Variants in DSE observed in about 807,000 individuals in gnomAD.
The protein encoded by DSE is dermatan-sulfate epimerase.
In DSE, 36 loss-of-function variants were observed where a neutral mutation model predicts 84.4. The ratio of observed to expected loss-of-function variants is 0.43; its 90% confidence interval spans 0.33 to 0.56. The LOEUF (loss-of-function observed/expected upper bound fraction) is 0.56, where lower values mean the gene tolerates loss of function less well. DSE is among the 20% of genes least tolerant of loss of function. The pLI is 0.06. For missense variants in DSE, 862 were observed against 1,169.6 expected (o/e 0.74, Z 3.84); for synonymous variants, 410 against 430.1 (o/e 0.95, Z 0.58).
intron 2 of DSE, among the ~76,000 whole-genome samples, chr6:116,425,772 G>A (rs1396329547): frequency 2.6e-5 from 4 of 151,210 alleles, no homozygotes; most frequent in African/African-American, 4.9e-5. Context: ...ACAGGCGCCC[G>A]CCAACACGCC....
chr6:116,295,329 G>A (rs1487146536), intron 2 of DSE, among the ~76,000 whole-genome samples: 2 of 152,166 alleles, frequency 1.3e-5, no homozygotes, highest in Non-Finnish European at 2.9e-5. Context: ...GCTTATATTT[G>A]AAGGACTTTG....
Position 116,399,249 on chromosome 6 carries a change from C to T in DSE, c.-2C>T, listed in dbSNP as rs763721304. ...TTGGAGATTTGGAGATCTGATGCCA[C>T]GATGAGGACTCACACACGGGGGGCT... On this transcript the variant is annotated 5_prime_UTR_variant, in exon 2 of 6. It adds an upstream start codon to the 5' untranslated region. Coordinates refer to ENST00000644252, the MANE Select transcript of DSE (RefSeq NM_013352.4). 6.2e-6 allele frequency: 10 copies of T among 1,613,550 alleles called. No homozygotes were observed. The highest frequency in any genetic ancestry group is 1.6e-4 in the Middle Eastern group (1 of 6,084).
rs1219823566 is a variant in DSE, at chr6:116,426,726, A to C, written c.569A>C (p.Glu190Ala). 1 of 1,614,096 alleles carries C rather than the reference A, an allele frequency of 6.2e-7. No homozygotes were observed. Among genetic ancestry groups the C allele is most frequent in the Non-Finnish European group, 8.5e-7 (1 of 1,180,044 alleles). Reference protein sequence around the residue: ...VIANASGYMYETSYRRGWGFQ... With the variant: ...VIANASGYMYATSYRRGWGFQ... ...GCCAATGCCTCAGGGTATATGTATG[A>C]AACTTCATACAGGAGAGGATGGGGA... The change falls in exon 3 of 6, where the codon GAA (glutamate) becomes GCA (alanine). Residue 190 changes from glutamate to alanine, a missense_variant. Around this residue, in one of 4 missense-constraint regions of DSE, gnomAD observed 309 missense variants for 516.9 expected, o/e 0.60. Coordinates refer to ENST00000644252, the MANE Select transcript of DSE (RefSeq NM_013352.4).
intron 2 of DSE, among the ~76,000 whole-genome samples, chr6:116,331,184 ACTTT>A (rs1006920658): frequency 5.3e-5 from 8 of 152,106 alleles, no homozygotes; most frequent in African/African-American, 1.9e-4. Flanking sequence ...AATACTGAAA[ACTTT>A]CTTTCTGTGA....
At chr6:116,300,845 G>A (rs111995772) in intron 2 of DSE, among the ~76,000 whole-genome samples, 33 of 152,212 alleles carry the variant, frequency 2.2e-4, no homozygotes, top group African/African-American at 6.7e-4. Flanking sequence ...TAAAGGTCTC[G>A]GAGTGTGGAA....
At position 116,436,364 on chromosome 6, in the gene DSE, A is replaced by G. The variant is rs1325462778; in HGVS notation, c.1896A>G (p.Ser632=). Residue 632 remains serine, a synonymous_variant, in exon 6 of 6, where the codon TCA becomes TCG. Transcript: ENST00000644252. The part of the protein sequence containing the change: ...TGYSEKATFA[S]VTYPRGYPYN... ...ACAGCGAGAAAGCAACCTTTGCCTC[A>G]GTGACATATCCTCGGGGCTATCCCT... 1 of 1,614,182 alleles carries G rather than the reference A, an allele frequency of 6.2e-7. No homozygotes were observed.
chr6:116,272,543 A>G (rs1416875600), intron 2 of DSE, among the ~76,000 whole-genome samples: 1 of 152,220 alleles, frequency 6.6e-6, no homozygotes, highest in Non-Finnish European at 1.5e-5. Context: ...AAACTCTACG[A>G]TATACCAGGC....
chr6:116,263,214 A>G (rs1211408534), intron 2 of DSE, among the ~76,000 whole-genome samples: 1 of 152,170 alleles, frequency 6.6e-6, no homozygotes, highest in African/African-American at 2.4e-5. Context: ...GGTGTGTTAA[A>G]GTCTCCCGCT....
chr6:116,267,477 A>G (rs987722374), intron 2 of DSE, among the ~76,000 whole-genome samples: 7 of 89,684 alleles, frequency 7.8e-5, no homozygotes, highest in Non-Finnish European at 1.3e-4. Flanking sequence ...AAAAGCTTAT[A>G]AATTAAAGAT....
chr6:116,305,672 T>C (rs1349044473), intron 2 of DSE, among the ~76,000 whole-genome samples: 2 of 152,116 alleles, frequency 1.3e-5, no homozygotes, highest in Non-Finnish European at 2.9e-5. Context: ...AGTTTCGCTC[T>C]TGTTGCCCAG....
rs181575642 is a variant in DSE at position 116,267,058 on chromosome 6, C to G, written c.-54+8091C>G. Reference sequence around the variant, plus strand: ...GTATTGGTGGTAATGCTGGTATAAACAAACCTACTACACTGCTAATCATAT... The same window carrying G: ...GTATTGGTGGTAATGCTGGTATAAAGAAACCTACTACACTGCTAATCATAT... On this transcript the variant is annotated intron_variant, in intron 2 of 3. Transcript: ENST00000430252. Among the ~76,000 whole-genome samples the G allele has an allele frequency of 6.0e-3, 906 of 152,264 alleles. 9 individuals carry two copies. The highest frequency in any genetic ancestry group is 0.02 in the African/African-American group (847 of 41,532).
At chr6:116,391,087 T>G (rs1780873145) in intron 1 of DSE, among the ~76,000 whole-genome samples, 1 of 152,202 alleles carries the variant, frequency 6.6e-6, no homozygotes, top group Non-Finnish European at 1.5e-5. Context: ...TTTAAACATA[T>G]TTTACATGAA....
chr6:116,418,131 C>G (rs1393241567), intron 2 of DSE, among the ~76,000 whole-genome samples: 1 of 152,142 alleles, frequency 6.6e-6, no homozygotes, highest in African/African-American at 2.4e-5. Context: ...TATCCTCCCA[C>G]AGAGACTGAA....
At chr6:116,347,715 A>G (rs1386423229) in intron 2 of DSE, among the ~76,000 whole-genome samples, 1 of 152,218 alleles carries the variant, frequency 6.6e-6, no homozygotes, top group Non-Finnish European at 1.5e-5. Context: ...AGGCAATACC[A>G]TTCAGGACAT....
At position 116,371,065 on chromosome 6, in the gene DSE, C is replaced by T. The variant is rs547103051; in HGVS notation, c.-110C>T. ...GCCCTGGAGTGAGGAGGACCGGGAG[C>T]TGGCTCTGGAGGCTGCGGAGGCGAC... is the stretch of plus-strand genomic sequence containing the variant. On this transcript the variant is annotated 5_prime_UTR_variant, in exon 1 of 6. Coordinates refer to ENST00000644252, the MANE Select transcript of DSE (RefSeq NM_013352.4). The T allele has an allele frequency of 2.0e-6, 2 of 986,054 alleles. No homozygotes were observed. The highest frequency in any genetic ancestry group is 9.4e-5 in the South Asian group (2 of 21,298). 61.1% of individuals were successfully genotyped at this position (986,054 alleles called of 1,614,324 possible). A position where few individuals can be genotyped will look rare whatever the true frequency, so the allele number is the denominator to read the frequency against.
intron 3 of DSE, 64 bp downstream of exon 3, chr6:116,426,891 GC>G: frequency 6.5e-7 from 1 of 1,541,632 alleles, no homozygotes; most frequent in Non-Finnish European, 8.7e-7. Flanking sequence ...CATGTTGTGA[GC>G]AAAGCATTTT....
intron 2 of DSE, among the ~76,000 whole-genome samples, chr6:116,339,851 C>T (rs978691299): frequency 6.6e-6 from 1 of 152,178 alleles, no homozygotes; most frequent in South Asian, 2.1e-4. Flanking sequence ...GTTAGTGAAA[C>T]ATCCACAAAG....
At chr6:116,404,467 G>C (rs945093021) in intron 2 of DSE, among the ~76,000 whole-genome samples, 10 of 152,220 alleles carry the variant, frequency 6.6e-5, no homozygotes, top group Non-Finnish European at 2.9e-5. Context: ...CTGAGGAACA[G>C]GTCTGGCCCA....
intron 2 of DSE, among the ~76,000 whole-genome samples, chr6:116,305,163 C>G (rs1775271339): frequency 6.6e-6 from 1 of 150,778 alleles, no homozygotes; most frequent in Non-Finnish European, 1.5e-5. Context: ...TTGCACATAA[C>G]CTGCGCTAAA....
Sources: allele counts gnomAD v4.1 joint callset (sites outside exome capture counted in the v4.1 genomes callset), GRCh38; gene constraint gnomAD v4.1.1; regional missense constraint gnomAD v4.1.1; transcripts MANE v1.5; gene names NCBI Gene and HGNC (gene_info 2026-07-23, HGNC 2026-07-21).